CYB5R3: variants seen among roughly 807,000 people sequenced by gnomAD.
CYB5R3 encodes NADH-cytochrome b5 reductase 3.
A neutral mutation model predicts 36.5 loss-of-function variants in CYB5R3; 28 were observed. The ratio of observed to expected loss-of-function variants is 0.77; its 90% CI spans 0.57 to 1.05. The LOEUF (loss-of-function observed/expected upper bound fraction) is 1.05. Among genes scored for constraint, CYB5R3 ranks in the 50% least tolerant of loss-of-function variants. The pLI is 0.00. For missense variants in CYB5R3, 474 were observed against 408.9 expected (o/e 1.16, Z -1.37); for synonymous variants, 181 against 159.8 (o/e 1.13, Z -1.00).
At position 42,628,292 on chromosome 22, in the gene CYB5R3, C is replaced by A. The variant is rs374136865; in HGVS notation, c.334-11G>T. Reference sequence around the variant, plus strand: ...GTCCTTGAAGTAAACCTGCAAGACACCCCCGCAGCCCTCAGTCCCCAGCTC... The same window carrying A: ...GTCCTTGAAGTAAACCTGCAAGACAACCCCGCAGCCCTCAGTCCCCAGCTC... On this transcript the variant is annotated splice_polypyrimidine_tract_variant and intron_variant, in intron 4 of 8. Coordinates refer to ENST00000352397, the MANE Select transcript of CYB5R3 (RefSeq NM_000398.7). The A allele has an allele frequency of 9.9e-6, 16 of 1,612,976 alleles. No individual in the cohort carries two copies. The highest frequency in any genetic ancestry group is 1.3e-5 in the African/African-American group (1 of 74,892).
At chr22:42,621,873 G>C (rs1217590000) in intron 8 of CYB5R3, among the ~76,000 whole-genome samples, 2 of 152,262 alleles carry the variant, frequency 1.3e-5, no homozygotes, top group Non-Finnish European at 2.9e-5. Context: ...AGTCAGAAAG[G>C]AGCAAAGCAG....
intron 2 of CYB5R3, among the ~76,000 whole-genome samples, chr22:42,633,761 C>A (rs1196154192): frequency 6.6e-6 from 1 of 152,032 alleles, no homozygotes; most frequent in Non-Finnish European, 1.5e-5. Flanking sequence ...CCAGCCTGGG[C>A]AACAAGAGCG....
At chr22:42,631,548 T>C in intron 2 of CYB5R3, 98 bp from the exon 3 acceptor site, 1 of 1,002,082 alleles carries the variant, frequency 1.0e-6, no homozygotes, top group Non-Finnish European at 1.5e-6. Flanking sequence ...CTCCTTTGTG[T>C]CCCCACCCTT....
At chr22:42,649,263 C>T in intron 1 of CYB5R3, 32 bp downstream of exon 1, 1 of 940,666 alleles carries the variant, frequency 1.1e-6, no homozygotes, top group Non-Finnish European at 1.3e-6. Context: ...CCTCGCGACG[C>T]CCCGCGGCCC....
intron 8 of CYB5R3, among the ~76,000 whole-genome samples, chr22:42,621,838 C>T (rs1405773628): frequency 6.6e-6 from 1 of 152,254 alleles, no homozygotes; most frequent in South Asian, 2.1e-4. Context: ...AGCAAGCTGG[C>T]CCCGCCCATG....
At chr22:42,635,918 G>GA (rs1183387642) in intron 2 of CYB5R3, among the ~76,000 whole-genome samples, 2 of 152,060 alleles carry the variant, frequency 1.3e-5, no homozygotes, top group African/African-American at 2.4e-5. Flanking sequence ...TCAGAGCTTT[G>GA]AAAAAAAGGA....
intron 1 of CYB5R3, among the ~76,000 whole-genome samples, chr22:42,637,967 G>T (rs996873806): frequency 2.6e-5 from 4 of 152,224 alleles, no homozygotes; most frequent in Admixed American, 2.0e-4. Flanking sequence ...CCTAAAAGGG[G>T]GCTGGGCATA....
chr22:42,620,078 A>G, intron 8 of CYB5R3, 133 bp from the exon 9 acceptor site: 1 of 893,040 alleles, frequency 1.1e-6, no homozygotes, highest in East Asian at 2.6e-5. Context: ...TGTCACCAGG[A>G]CCCCCTGCCC....
At chr22:42,643,992 T>C (rs1476733149) in intron 1 of CYB5R3, among the ~76,000 whole-genome samples, 2 of 152,054 alleles carry the variant, frequency 1.3e-5, no homozygotes, top group East Asian at 1.9e-4. Context: ...GTGAGGAAAC[T>C]GAGGCCAGGA....
chr22:42,648,188 G>A (rs1267977666), intron 1 of CYB5R3, among the ~76,000 whole-genome samples: 8 of 151,468 alleles, frequency 5.3e-5, no homozygotes, highest in African/African-American at 1.7e-4. Flanking sequence ...CAAGCCAAGA[G>A]GCCTTTTGCC....
chr22:42,631,357 C>T (rs1412284377), intron 3 of CYB5R3, 21 bp downstream of exon 3: 1 of 1,550,826 alleles, frequency 6.4e-7, no homozygotes, highest in East Asian at 2.4e-5. Flanking sequence ...TCCGAATGGG[C>T]CCAGCAGGGG....
intron 1 of CYB5R3, chr22:42,640,343 T>TG (rs1358788091): frequency 9.6e-7 from 1 of 1,038,858 alleles, no homozygotes; most frequent in African/African-American, 1.7e-5. Flanking sequence ...GGACCCTGCG[T>TG]GGTTCACTTA....
intron 8 of CYB5R3, among the ~76,000 whole-genome samples, chr22:42,620,296 G>A (rs1186227363): frequency 2.6e-5 from 4 of 152,146 alleles, no homozygotes; most frequent in African/African-American, 9.7e-5. Context: ...AGGCCCAGAG[G>A]ACCCAGAGTT....
rs764122312 is a variant in CYB5R3, at chr22:42,644,548, G to A, written c.21+4747C>T. 1.3e-5 allele frequency: 20 copies of A among 1,497,242 alleles called. No individual in the cohort carries two copies. In the African/African-American group the frequency reaches 2.6e-4, roughly 20 times the overall value. The allele number at this position is 1,497,242 out of a possible 1,614,324, so 92.7% of individuals were successfully genotyped here. ...GCTCAAACATCAAATCTTCCCTGAT[G>A]AGCCCTTCCCTAGCTAACCAGGCCC... On this transcript the variant is annotated intron_variant, in intron 1 of 8. Coordinates refer to ENST00000352397, the MANE Select transcript of CYB5R3 (RefSeq NM_000398.7).
In CYB5R3 at chr22:42,628,343, C is replaced by T. The variant is rs188680697; in HGVS notation, c.334-62G>A. 1.2e-4 allele frequency: 199 copies of T among 1,604,814 alleles called. 1 individual carries two copies. The East Asian group carries it at 3.5e-3, about 28-fold the overall frequency. On this transcript the variant is annotated intron_variant, in intron 4 of 8. Coordinates refer to ENST00000352397, the MANE Select transcript of CYB5R3 (RefSeq NM_000398.7). ...CAGGTCTCAGGGGCGAGCTCTTGCCCACAGTGGGAGACAAGTGCCTCTTCT... is the reference window on the plus strand; with the variant it reads ...CAGGTCTCAGGGGCGAGCTCTTGCCTACAGTGGGAGACAAGTGCCTCTTCT...
In CYB5R3 at chr22:42,619,608, T is replaced by C; in HGVS notation, c.*165A>G. ...TGGCCCATCTGGGACACAGCCCTGC[T>C]CCCGAAGGGGCTCCAGGGGAACTGC... On this transcript the variant is annotated 3_prime_UTR_variant, in exon 9 of 9. Coordinates refer to ENST00000352397, the MANE Select transcript of CYB5R3 (RefSeq NM_000398.7). 1.5e-6 allele frequency: 1 copy of C among 664,204 alleles called. No individual in the cohort carries two copies. The highest frequency in any genetic ancestry group is 2.6e-6 in the Non-Finnish European group (1 of 389,178). 41.1% of individuals were successfully genotyped at this position (664,204 alleles called of 1,614,324 possible).
chr22:42,619,651 C>G lies in CYB5R3; in HGVS notation c.*122G>C. The G allele has an allele frequency of 1.1e-6, 1 of 945,690 alleles. No individual in the cohort carries two copies. Among genetic ancestry groups the G allele is most frequent in the Non-Finnish European group, 1.6e-6 (1 of 635,454 alleles). The allele number at this position is 945,690 out of a possible 1,614,324, so 58.6% of individuals were successfully genotyped here. A position where few individuals can be genotyped will look rare whatever the true frequency, so the allele number is the denominator to read the frequency against. On this transcript the variant is annotated 3_prime_UTR_variant, in exon 9 of 9. Coordinates refer to ENST00000352397, the MANE Select transcript of CYB5R3 (RefSeq NM_000398.7). Reference sequence around the variant, plus strand: ...GGAACTGCTCAGCCAGGTGATTCACCAGGGCACGGGCAGGCCAGGCTGAAC... The same window carrying G: ...GGAACTGCTCAGCCAGGTGATTCACGAGGGCACGGGCAGGCCAGGCTGAAC...
intron 1 of CYB5R3, chr22:42,638,939 C>A: frequency 3.2e-6 from 1 of 313,322 alleles, no homozygotes; most frequent in South Asian, 2.4e-5. Context: ...GAAACTGAGG[C>A]AGGAGAAATG....
intron 1 of CYB5R3, chr22:42,640,068 T>G (rs745582457): frequency 1.3e-5 from 21 of 1,613,796 alleles, no homozygotes; most frequent in South Asian, 3.3e-5. Flanking sequence ...CTTCCTTAAC[T>G]GTGAGCTGTT....
Sources: gnomAD v4.1 joint callset for allele counts (sites outside exome capture counted in the v4.1 genomes callset) on GRCh38, gnomAD v4.1.1 for gene constraint, MANE v1.5 for transcripts, NCBI Gene and HGNC (gene_info 2026-07-23, HGNC 2026-07-21) for gene names.